Variants in MMP20 observed in about 807,000 individuals in gnomAD.
The protein encoded by MMP20 is matrix metalloproteinase-20.
Under a neutral mutation model 51.8 loss-of-function variants are expected in MMP20, and 50 were observed. That is an observed-to-expected ratio of 0.97 (90% CI 0.77 to 1.22). The LOEUF is 1.22. Among genes scored for constraint, MMP20 ranks in the 50% most tolerant of loss-of-function variants. MMP20 has a pLI of 0.00. For synonymous variants in MMP20, 244 were observed against 216.2 expected, an observed-to-expected ratio of 1.13 and a Z score of -1.13; for missense variants, 663 against 601.4, an observed-to-expected ratio of 1.10 and a Z score of -1.07.
chr11:102,606,579 G>T lies in MMP20; in HGVS notation c.909C>A (p.Asp303Glu), dbSNP rs145296288. 4 of 1,614,058 alleles carry T rather than the reference G, an allele frequency of 2.5e-6. No individual in the cohort carries two copies. Among genetic ancestry groups the T allele is most frequent in the Non-Finnish European group, 3.4e-6 (4 of 1,179,930 alleles). Residue 303 changes from aspartate (D) to glutamate (E), a missense_variant, in exon 6 of 10, where the codon GAC becomes GAA. Coordinates refer to ENST00000260228, the MANE Select transcript of MMP20 (RefSeq NM_004771.4). ...PDLCDSSSSF[D>E]AVTMLGKELL... ...GCTCCTTCCCCAGCATTGTCACAGCGTCAAAGGATGAGCTGGAGTCACAGA... is the reference window on the plus strand; with the variant it reads ...GCTCCTTCCCCAGCATTGTCACAGCTTCAAAGGATGAGCTGGAGTCACAGA...
chr11:102,605,616 AG>A (rs1375057140), intron 6 of MMP20, among the ~76,000 whole-genome samples: 1 of 152,050 alleles, frequency 6.6e-6, no homozygotes, highest in Non-Finnish European at 1.5e-5. Context: ...ACTATCTTGC[AG>A]GGCTTTTGGA....
chr11:102,623,339 C>T (rs1197237004), intron 1 of MMP20, among the ~76,000 whole-genome samples: 7 of 152,156 alleles, frequency 4.6e-5, no homozygotes, highest in East Asian at 1.9e-4. Flanking sequence ...AGGTGAGTGG[C>T]GGGCCAGCAT....
chr11:102,581,437 G>A (rs1363137214), intron 8 of MMP20, among the ~76,000 whole-genome samples: 3 of 152,216 alleles, frequency 2.0e-5, no homozygotes, highest in Non-Finnish European at 4.4e-5. Flanking sequence ...GTTGGAGGCA[G>A]TCCAGAGAAC....
intron 7 of MMP20, among the ~76,000 whole-genome samples, 163 bp downstream of exon 7, chr11:102,594,458 G>A (rs1427002708): frequency 6.6e-6 from 1 of 152,106 alleles, no homozygotes; most frequent in African/African-American, 2.4e-5. Flanking sequence ...ACACAATGTC[G>A]GGTATAACAA....
In MMP20 at chr11:102,577,168, A is replaced by C; in HGVS notation, c.*158T>G. The C allele has an allele frequency of 1.6e-6, 1 of 627,902 alleles. No individual in the cohort carries two copies. Among genetic ancestry groups the C allele is most frequent in the Non-Finnish European group, 2.8e-6 (1 of 352,964 alleles). The allele number at this position is 627,902 out of a possible 1,614,324, so 38.9% of individuals were successfully genotyped here. On this transcript the variant is annotated 3_prime_UTR_variant, in exon 10 of 10. Transcript: ENST00000260228. Reference sequence around the variant, plus strand: ...GGATTGAAATTCTGATTATACAACTATGAAAAAAATTGGAAGTATTATTAT... The same window carrying C: ...GGATTGAAATTCTGATTATACAACTCTGAAAAAAATTGGAAGTATTATTAT...
At chr11:102,591,965 G>C (rs1056545050) in intron 8 of MMP20, among the ~76,000 whole-genome samples, 1 of 152,102 alleles carries the variant, frequency 6.6e-6, no homozygotes, top group African/African-American at 2.4e-5. Flanking sequence ...ATGGGAGAGT[G>C]GATAATTCCC....
In MMP20 at chr11:102,616,954, A is replaced by T. The variant is rs1457850954; in HGVS notation, c.232T>A (p.Phe78Ile). The T allele has an allele frequency of 1.2e-6, 2 of 1,614,096 alleles. No individual in the cohort carries two copies. The highest frequency in any genetic ancestry group is 1.7e-5 in the Admixed American group (1 of 60,006). The change falls in exon 2 of 10, where the codon TTC becomes ATC. Residue 78 changes from phenylalanine to isoleucine, a missense_variant. Transcript: ENST00000260228. Reference protein sequence around the residue: ...MIRKIKELQAFFGLQVTGKLD... With the variant: ...MIRKIKELQAIFGLQVTGKLD... Reference sequence around the variant, plus strand: ...TTCCCGGTGACTTGGAGGCCAAAGAACGCTTGTAGCTCCTTAATCTTCCTT... The same window carrying T: ...TTCCCGGTGACTTGGAGGCCAAAGATCGCTTGTAGCTCCTTAATCTTCCTT...
chr11:102,621,244 G>A (rs1859747226), intron 1 of MMP20, among the ~76,000 whole-genome samples: 2 of 152,216 alleles, frequency 1.3e-5, no homozygotes. Context: ...CTACATGGCT[G>A]TGATAACAAG....
intron 1 of MMP20, among the ~76,000 whole-genome samples, chr11:102,622,919 G>T (rs747785096): frequency 5.9e-5 from 9 of 152,124 alleles, no homozygotes; most frequent in Non-Finnish European, 1.2e-4. Flanking sequence ...TTAAATAATT[G>T]TTTCCTGTCA....
chr11:102,581,161 C>CAT (rs1859190546), intron 8 of MMP20, among the ~76,000 whole-genome samples: 1 of 142,700 alleles, frequency 7.0e-6, no homozygotes, highest in African/African-American at 2.6e-5. Flanking sequence ...CACACACACA[C>CAT]ATGCACACGC....
chr11:102,612,298 C>G (rs1565398715), intron 2 of MMP20, among the ~76,000 whole-genome samples: 1 of 152,156 alleles, frequency 6.6e-6, no homozygotes, highest in African/African-American at 2.4e-5. Context: ...AACCCCATCT[C>G]TACTAAAAAT....
At position 102,595,509 on chromosome 11, in the gene MMP20, A is replaced by G. The variant is rs142589355; in HGVS notation, c.954-752T>C. On this transcript the variant is annotated intron_variant, in intron 6 of 9. Coordinates refer to ENST00000260228, the MANE Select transcript of MMP20 (RefSeq NM_004771.4). The stretch of plus-strand genomic sequence containing the variant: ...AAGGTAACTATGATCCAGAAGGTGG[A>G]CATTGTGAATAGTATGTAAATGAAC... Among the ~76,000 whole-genome samples the G allele has an allele frequency of 2.9e-3, 439 of 152,354 alleles. 4 individuals are homozygous for G. Among genetic ancestry groups the G allele is most frequent in the African/African-American group, 8.6e-3 (359 of 41,580 alleles).
intron 8 of MMP20, among the ~76,000 whole-genome samples, chr11:102,584,460 A>G (rs1859231551): frequency 6.6e-6 from 1 of 152,142 alleles, no homozygotes; most frequent in African/African-American, 2.4e-5. Context: ...TCCTTTGCCC[A>G]TATTTTAACT....
intron 6 of MMP20, among the ~76,000 whole-genome samples, chr11:102,595,767 G>A (rs748912836): frequency 5.5e-4 from 84 of 152,168 alleles, no homozygotes; most frequent in Non-Finnish European, 4.6e-4. Context: ...ATACCCATGA[G>A]GGTACTGGAT....
intron 7 of MMP20, 135 bp from the exon 8 acceptor site, chr11:102,593,730 T>C: frequency 2.1e-6 from 2 of 948,322 alleles, no homozygotes; most frequent in Non-Finnish European, 3.2e-6. Flanking sequence ...CAACAAGAGA[T>C]ATAAGCTTCT....
chr11:102,609,066 A>G lies in MMP20; in HGVS notation c.682T>C (p.Phe228Leu), dbSNP rs770062019. The change falls in exon 5 of 10, where the codon TTT becomes CTT. Residue 228 changes from phenylalanine (F) to leucine (L), a missense_variant. Physicochemically the swap from Phe to Leu is conservative, Grantham distance 22. Transcript: ENST00000260228. Reference sequence around the variant, plus strand: ...TGGGCCAGGCCCAGGGCATGGCCAAATTCATGAGCAGCAACGGTAAACAAA... The same window carrying G: ...TGGGCCAGGCCCAGGGCATGGCCAAGTTCATGAGCAGCAACGGTAAACAAA... ...FNLFTVAAHE[F>L]GHALGLAHST... 1 of 1,614,224 alleles carries G rather than the reference A, an allele frequency of 6.2e-7. No homozygotes were observed. The highest frequency in any genetic ancestry group is 1.1e-5 in the South Asian group (1 of 91,086).
intron 8 of MMP20, among the ~76,000 whole-genome samples, chr11:102,580,264 A>T (rs1180695047): frequency 6.6e-6 from 1 of 152,230 alleles, no homozygotes; most frequent in African/African-American, 2.4e-5. Context: ...GACTTGTATG[A>T]GAATCAGACT....
chr11:102,585,983 G>A (rs1436386046), intron 8 of MMP20, among the ~76,000 whole-genome samples: 6 of 152,030 alleles, frequency 3.9e-5, no homozygotes, highest in East Asian at 1.9e-4. Flanking sequence ...CTTTTCATAC[G>A]TTGCTGGATT....
chr11:102,578,961 A>G, intron 9 of MMP20, 78 bp downstream of exon 9: 1 of 1,077,538 alleles, frequency 9.3e-7, no homozygotes, highest in Non-Finnish European at 1.4e-6. Flanking sequence ...TTGGAAATCC[A>G]CTTTCTGTTG....
Sources: gnomAD v4.1 joint callset for allele counts (sites outside exome capture counted in the v4.1 genomes callset) on GRCh38, gnomAD v4.1.1 for gene constraint, MANE v1.5 for transcripts, NCBI Gene and HGNC (gene_info 2026-07-23, HGNC 2026-07-21) for gene names.